The following BORCS5 variants were observed in gnomAD, a reference collection of about 807,000 sequenced individuals.
The protein encoded by BORCS5 is BLOC-1 related complex subunit 5.
BORCS5 carries 17 observed loss-of-function variants against 22.1 expected under a neutral mutation model. The ratio of observed to expected loss-of-function variants is 0.77; its 90% confidence interval spans 0.53 to 1.15. The LOEUF (loss-of-function observed/expected upper bound fraction) is 1.15, where lower values mean the gene tolerates loss of function less well. Among genes scored for constraint, BORCS5 ranks in the 50% most tolerant of loss-of-function variants. The probability of loss-of-function intolerance (pLI) is 0.00; values close to 1 mark genes in which losing one functional copy is unlikely to be tolerated. For missense variants in BORCS5, 247 were observed against 253.2 expected, an observed-to-expected ratio of 0.98 and a Z score of 0.17; for synonymous variants, 117 against 99.8, an observed-to-expected ratio of 1.17 and a Z score of -1.03.
intron 2 of BORCS5, among the ~76,000 whole-genome samples, chr12:12,401,431 T>C (rs1400377104): frequency 2.0e-5 from 3 of 152,220 alleles, no homozygotes; most frequent in Admixed American, 6.5e-5. Context: ...ACCATGCTTC[T>C]TCCTTTTAAA....
chr12:12,400,875 T>C (rs950667920), intron 2 of BORCS5, among the ~76,000 whole-genome samples: 1 of 152,244 alleles, frequency 6.6e-6, no homozygotes, highest in Non-Finnish European at 1.5e-5. Context: ...TAGAATATTC[T>C]TTCACTTGTT....
chr12:12,357,253 C>A lies in BORCS5; in HGVS notation c.-199C>A. 2 of 1,469,164 alleles carry A rather than the reference C, an allele frequency of 1.4e-6. No individual in the cohort carries two copies. Among genetic ancestry groups the A allele is most frequent in the Non-Finnish European group, 1.8e-6 (2 of 1,112,830 alleles). 91.0% of individuals were successfully genotyped at this position (1,469,164 alleles called of 1,614,324 possible). On this transcript the variant is annotated 5_prime_UTR_variant, in exon 1 of 4. Transcript: ENST00000314565. ...GCCGCGCCTCCTTGCGTTTCTGTTC[C>A]CCAAATAGGGCCTCTCCTTCTCCCG...
At chr12:12,401,913 A>G (rs969574430) in intron 2 of BORCS5, among the ~76,000 whole-genome samples, 2 of 152,102 alleles carry the variant, frequency 1.3e-5, no homozygotes, top group East Asian at 3.9e-4. Context: ...AAAATACAAA[A>G]AAATTAGCTG....
At chr12:12,374,284 C>G (rs999855952) in intron 2 of BORCS5, among the ~76,000 whole-genome samples, 1 of 151,812 alleles carries the variant, frequency 6.6e-6, no homozygotes, top group African/African-American at 2.4e-5. Flanking sequence ...AGCCACCGCA[C>G]CCGGCCAAGG....
chr12:12,365,187 T>G (rs1863378259), intron 2 of BORCS5, among the ~76,000 whole-genome samples: 1 of 151,930 alleles, frequency 6.6e-6, no homozygotes, highest in African/African-American at 2.4e-5. Context: ...AGGAGCAGAT[T>G]ATAGGAAGAG....
In BORCS5 at chr12:12,414,591, G is replaced by A. The variant is rs1327133597; in HGVS notation, c.203-21037G>A. 4.3e-5 allele frequency among the ~76,000 whole-genome samples: 4 copies of A among 92,980 alleles called. No homozygotes were observed. The East Asian group carries it at 7.3e-4, about 17-fold the overall frequency. 61.0% of individuals were successfully genotyped at this position (92,980 alleles called of 152,430 possible). A position where few individuals can be genotyped will look rare whatever the true frequency, so the allele number is the denominator to read the frequency against. On this transcript the variant is annotated intron_variant, in intron 2 of 3. Coordinates refer to ENST00000314565, the MANE Select transcript of BORCS5 (RefSeq NM_058169.6). ...CCCCCACCTCCCTCCTGGACGGGGC[G>A]ACTGGCTGGGCAGAGGGGCTCCTCA... is the stretch of plus-strand genomic sequence containing the variant.
At chr12:12,440,820 G>A (rs1942668681) in intron 3 of BORCS5, among the ~76,000 whole-genome samples, 1 of 152,216 alleles carries the variant, frequency 6.6e-6, no homozygotes, top group Non-Finnish European at 1.5e-5. Flanking sequence ...CTCTGGTCCA[G>A]TGCTCTCATT....
intron 2 of BORCS5, among the ~76,000 whole-genome samples, chr12:12,363,048 C>T (rs1863326770): frequency 6.6e-6 from 1 of 152,052 alleles, no homozygotes; most frequent in African/African-American, 2.4e-5. Flanking sequence ...GTAATTCCAG[C>T]ACTTTGGGTG....
At chr12:12,427,750 C>T (rs956499115) in intron 2 of BORCS5, among the ~76,000 whole-genome samples, 2 of 152,112 alleles carry the variant, frequency 1.3e-5, no homozygotes, top group Non-Finnish European at 2.9e-5. Flanking sequence ...TTGCCTCTGC[C>T]GAGGACCTGC....
intron 2 of BORCS5, among the ~76,000 whole-genome samples, chr12:12,369,318 AT>A (rs1234105679): frequency 6.6e-6 from 1 of 151,996 alleles, no homozygotes; most frequent in Non-Finnish European, 1.5e-5. Flanking sequence ...ATGTCTTTAT[AT>A]TTAAAGGGCA....
chr12:12,416,529 G>C (rs369287249), intron 2 of BORCS5, among the ~76,000 whole-genome samples: 47 of 151,682 alleles, frequency 3.1e-4, no homozygotes, highest in African/African-American at 1.1e-3. Flanking sequence ...TTGTAGCCTC[G>C]AACTCCTGGA....
At position 12,442,843 on chromosome 12, in the gene BORCS5, CCATT is replaced by C. The variant is rs1309245050; in HGVS notation, c.360+7062_360+7065del. Reference sequence around the variant, plus strand: ...TGTTTGAAGGAATGCACGAGAGTTGCCATTCATGGGCCTGCACACAGGGCTGGGC... The same window carrying C: ...TGTTTGAAGGAATGCACGAGAGTTGCCATGGGCCTGCACACAGGGCTGGGC... On this transcript the variant is annotated intron_variant, in intron 3 of 3. Coordinates refer to ENST00000314565, the MANE Select transcript of BORCS5 (RefSeq NM_058169.6). Among the ~76,000 whole-genome samples, 4 of 152,258 alleles carry C rather than the reference CCATT, an allele frequency of 2.6e-5. No homozygotes were observed. In the South Asian group the frequency reaches 6.2e-4, roughly 24 times the overall value.
intron 3 of BORCS5, among the ~76,000 whole-genome samples, chr12:12,464,525 G>T (rs1943164869): frequency 6.6e-6 from 1 of 152,182 alleles, no homozygotes; most frequent in Non-Finnish European, 1.5e-5. Flanking sequence ...AGAAGGAAGG[G>T]CTGGAGGAGC....
chr12:12,408,780 C>T (rs772233804), intron 2 of BORCS5, among the ~76,000 whole-genome samples: 86 of 152,126 alleles, frequency 5.7e-4, no homozygotes, highest in Non-Finnish European at 7.8e-4. Flanking sequence ...AAATATTATT[C>T]AGTCTTAAAA....
At chr12:12,381,011 ATTTTT>A (rs530930947) in intron 2 of BORCS5, among the ~76,000 whole-genome samples, 1 of 122,202 alleles carries the variant, frequency 8.2e-6, no homozygotes, top group East Asian at 2.3e-4. Flanking sequence ...TTTTTGGGGG[ATTTTT>A]TTTTTTTTTT....
chr12:12,362,293 A>T (rs1313322881), intron 2 of BORCS5, among the ~76,000 whole-genome samples: 1 of 152,212 alleles, frequency 6.6e-6, no homozygotes, highest in Non-Finnish European at 1.5e-5. Context: ...GTCAAATCCT[A>T]TATTACACTG....
At chr12:12,376,382 C>A (rs1229710865) in intron 2 of BORCS5, among the ~76,000 whole-genome samples, 1 of 151,884 alleles carries the variant, frequency 6.6e-6, no homozygotes, top group East Asian at 1.9e-4. Context: ...TACAGGCGCC[C>A]GCCACCACGC....
At chr12:12,386,473 TTC>T (rs1863884016) in intron 2 of BORCS5, among the ~76,000 whole-genome samples, 1 of 149,334 alleles carries the variant, frequency 6.7e-6, no homozygotes, top group Admixed American at 6.7e-5. Flanking sequence ...TTTTTATTTG[TTC>T]TAGTTCGTTC....
intron 2 of BORCS5, among the ~76,000 whole-genome samples, chr12:12,405,670 A>G (rs1427675446): frequency 2.0e-5 from 3 of 152,214 alleles, no homozygotes; most frequent in Non-Finnish European, 4.4e-5. Context: ...AGTGTTTTAT[A>G]TAGTGCCTGG....
Sources: gnomAD v4.1 joint callset for allele counts (sites outside exome capture counted in the v4.1 genomes callset) on GRCh38, gnomAD v4.1.1 for gene constraint, MANE v1.5 for transcripts, NCBI Gene and HGNC (gene_info 2026-07-23, HGNC 2026-07-21) for gene names.